SETDB1: variants seen among roughly 807,000 people sequenced by gnomAD.
SETDB1 encodes histone-lysine N-methyltransferase SETDB1.
Under a neutral mutation model 137.4 loss-of-function variants are expected in SETDB1, and 31 were observed. That is an observed-to-expected ratio of 0.23 (90% confidence interval 0.17 to 0.30). The LOEUF (loss-of-function observed/expected upper bound fraction) is 0.30, where lower values mean the gene tolerates loss of function less well. Ranked by LOEUF, SETDB1 falls within the 10% of genes least tolerant of loss-of-function variation. The pLI is 1.00. For missense variants in SETDB1, 1,113 were observed against 1,631.5 expected, an observed-to-expected ratio of 0.68 and a Z score of 5.47; for synonymous variants, 548 against 579.9, an observed-to-expected ratio of 0.95 and a Z score of 0.79.
At chr1:150,927,641 A>G in intron 1 of SETDB1, 63 bp from the exon 2 acceptor site, 1 of 1,463,386 alleles carries the variant, frequency 6.8e-7, no homozygotes, top group Non-Finnish European at 9.4e-7. Context: ...GGGAACTGAA[A>G]TTCTCTATTG....
At chr1:150,947,297 G>A (rs587614423) in intron 10 of SETDB1, among the ~76,000 whole-genome samples, 76 of 152,138 alleles carry the variant, frequency 5.0e-4, no homozygotes, top group African/African-American at 1.7e-3. Flanking sequence ...TGTCAGTTTT[G>A]TGTGTTATCT....
chr1:150,958,247 CTTTTTTCTTTTTTT>C, intron 14 of SETDB1, among the ~76,000 whole-genome samples: 1 of 96,022 alleles, frequency 1.0e-5, no homozygotes, highest in African/African-American at 3.6e-5. Context: ...TCTTTTTTTT[CTTTTTTCTTTTTTT>C]TTTTTTTTGT....
At chr1:150,957,467 A>G (rs1670677858) in intron 14 of SETDB1, among the ~76,000 whole-genome samples, 1 of 152,238 alleles carries the variant, frequency 6.6e-6, no homozygotes, top group African/African-American at 2.4e-5. Flanking sequence ...ATCTGGAGAG[A>G]GGATATGACT....
At position 150,962,997 on chromosome 1, in the gene SETDB1, C is replaced by T; in HGVS notation, c.3318C>T (p.Ser1106=). Residue 1106 remains serine, a synonymous_variant, in exon 19 of 22, where the codon AGC becomes AGT. Coordinates refer to ENST00000692827, the MANE Select transcript of SETDB1 (RefSeq NM_001366418.1). ...AGGATGTCCTGACACTGTCCAGCAG[C>T]ACAGAAAGTGAGGGGGAAAGTGGGA... ...NPDDVLTLSS[S]TESEGESGTS... 1.2e-6 allele frequency: 2 copies of T among 1,614,038 alleles called. No homozygotes were observed. Among genetic ancestry groups the T allele is most frequent in the South Asian group, 2.2e-5 (2 of 91,068 alleles).
intron 9 of SETDB1, among the ~76,000 whole-genome samples, chr1:150,945,623 G>T (rs77893380): frequency 0.013 from 2,006 of 152,216 alleles, 23 homozygotes; most frequent in Non-Finnish European, 0.018. Context: ...TAGGCAGTGT[G>T]CCCAGAGTAG....
intron 10 of SETDB1, 92 bp downstream of exon 10, chr1:150,947,104 A>G (rs1670354949): frequency 6.9e-7 from 1 of 1,445,522 alleles, no homozygotes; most frequent in Admixed American, 1.9e-5. Context: ...TAGCATGGTT[A>G]CACTGTATAC....
At chr1:150,956,082 A>T (rs1481217185) in intron 14 of SETDB1, among the ~76,000 whole-genome samples, 1 of 101,990 alleles carries the variant, frequency 9.8e-6, no homozygotes, top group Non-Finnish European at 1.9e-5. Context: ...ACAGAAGGAG[A>T]CTTCGTCTCA....
chr1:150,946,999 A>G lies in SETDB1; in HGVS notation c.1254A>G (p.Thr418=), dbSNP rs781006243. Residue 418 remains threonine (T), a synonymous_variant, in exon 10 of 22, where the codon ACA becomes ACG. Coordinates refer to ENST00000692827, the MANE Select transcript of SETDB1 (RefSeq NM_001366418.1). ...AGAAGAAGCAAGGACAGCTCAGGAC[A>G]CGTCCAAATATGGGTATGTCCTGAA... ...ALEKKQGQLR[T]RPNMGAVRSK... 6.2e-7 allele frequency: 1 copy of G among 1,613,972 alleles called. No homozygotes were observed. The highest frequency in any genetic ancestry group is 1.1e-5 in the South Asian group (1 of 91,092).
At chr1:150,950,212 C>G (rs1670455439) in intron 12 of SETDB1, among the ~76,000 whole-genome samples, 1 of 98,202 alleles carries the variant, frequency 1.0e-5, no homozygotes, top group Non-Finnish European at 2.0e-5. Context: ...CCAGCCTAGG[C>G]AAAAAGAGCG....
intron 13 of SETDB1, 127 bp from the exon 14 acceptor site, chr1:150,951,238 A>G: frequency 8.8e-7 from 1 of 1,132,048 alleles, no homozygotes; most frequent in Non-Finnish European, 1.3e-6. Context: ...GGCCTCCATG[A>G]AAGCTATGAG....
At chr1:150,960,517 T>C (rs1351963932) in intron 15 of SETDB1, 46 bp from the exon 16 acceptor site, 1 of 1,080,456 alleles carries the variant, frequency 9.3e-7, no homozygotes, top group Non-Finnish European at 1.3e-6. Flanking sequence ...AAAAAACTAA[T>C]AGGTCCCCAT....
In SETDB1 at chr1:150,964,422, C is replaced by G. The variant is rs901288271; in HGVS notation, c.*58C>G. 1 of 1,298,414 alleles carries G rather than the reference C, an allele frequency of 7.7e-7. No homozygotes were observed. Among genetic ancestry groups the G allele is most frequent in the East Asian group, 2.4e-5 (1 of 41,998 alleles). 80.4% of individuals were successfully genotyped at this position (1,298,414 alleles called of 1,614,324 possible). A position where few individuals can be genotyped will look rare whatever the true frequency, so the allele number is the denominator to read the frequency against. On this transcript the variant is annotated 3_prime_UTR_variant, in exon 22 of 22. Transcript: ENST00000692827. ...GTCGTTTCCTCAGGAACTGGGTCTT[C>G]CTGATTGTTGAACCCTGACCCGAAG...
intron 14 of SETDB1, among the ~76,000 whole-genome samples, chr1:150,953,285 G>A (rs587609830): frequency 3.3e-5 from 5 of 152,322 alleles, no homozygotes; most frequent in African/African-American, 7.2e-5. Context: ...AGCACTTTTC[G>A]AGGCTGAGGC....
rs1055299860 is a variant in SETDB1, at chr1:150,944,856, G to C, written c.950-62G>C. 8 of 1,580,582 alleles carry C rather than the reference G, an allele frequency of 5.1e-6. No individual in the cohort carries two copies. The African/African-American group carries it at 9.5e-5, about 19-fold the overall frequency. ...AAAGTATCAAATGTCTCCTGGCCAA[G>C]TCTTTTCCCTATCAAGACATGCCCT... is the stretch of plus-strand genomic sequence containing the variant. On this transcript the variant is annotated intron_variant, in intron 8 of 21. Transcript: ENST00000692827.
At chr1:150,962,101 C>T (rs755793312) in intron 16 of SETDB1, 29 bp from the exon 17 acceptor site, 2 of 1,613,654 alleles carry the variant, frequency 1.2e-6, no homozygotes, top group Non-Finnish European at 1.7e-6. Flanking sequence ...GCTGTGAAAG[C>T]ATTTAACCCT....
chr1:150,927,827 A>G lies in SETDB1; in HGVS notation c.113A>G (p.Glu38Gly). ...GTTGAGGAACTGGGTATCTCTATGG[A>G]GGAACTTCGGCATTTCATCGATGAG... ...AVVEELGISM[E>G]ELRHFIDEEL... Residue 38 changes from glutamate to glycine, a missense_variant, in exon 2 of 22, where the codon GAG becomes GGG. Physicochemically the swap from Glu to Gly is moderately conservative, Grantham distance 98. This residue lies in a region of SETDB1 where 159 missense variants were observed against 188.6 expected (regional missense o/e 0.84). Coordinates refer to ENST00000692827, the MANE Select transcript of SETDB1 (RefSeq NM_001366418.1). The G allele has an allele frequency of 6.2e-7, 1 of 1,614,164 alleles. No individual in the cohort carries two copies. The highest frequency in any genetic ancestry group is 8.5e-7 in the Non-Finnish European group (1 of 1,180,042).
Position 150,945,080 on chromosome 1 carries a change from A to G in SETDB1, c.1112A>G (p.Asp371Gly). The change falls in exon 9 of 22, where the codon GAT becomes GGT. Residue 371 changes from aspartate (D) to glycine (G), a missense_variant. Physicochemically the swap from Asp to Gly is moderately conservative, Grantham distance 94. Transcript: ENST00000692827. ...TWWKSRVEEV[D>G]GSLVRILFLD... ...TGGAAGTCCCGAGTTGAGGAGGTGGATGGCAGCCTAGTCAGGATCCTCTTC... is the reference window on the plus strand; with the variant it reads ...TGGAAGTCCCGAGTTGAGGAGGTGGGTGGCAGCCTAGTCAGGATCCTCTTC... The G allele has an allele frequency of 6.2e-7, 1 of 1,614,084 alleles. No homozygotes were observed. The highest frequency in any genetic ancestry group is 8.5e-7 in the Non-Finnish European group (1 of 1,180,004).
intron 3 of SETDB1, among the ~76,000 whole-genome samples, chr1:150,930,999 C>G (rs1457645068): frequency 6.6e-6 from 1 of 152,054 alleles, no homozygotes; most frequent in African/African-American, 2.4e-5. Flanking sequence ...GTGGCTCATA[C>G]CTGTAATCCC....
chr1:150,963,760 C>A lies in SETDB1; in HGVS notation c.3672+19C>A. 1.2e-6 allele frequency: 2 copies of A among 1,608,580 alleles called. No homozygotes were observed. Among genetic ancestry groups the A allele is most frequent in the Non-Finnish European group, 1.7e-6 (2 of 1,175,016 alleles). ...CCTCAACGTGAGACCCCTCTCCCCA[C>A]CTCTAGATGCTGGATTATCCCATGG... On this transcript the variant is annotated intron_variant, in intron 20 of 21. Coordinates refer to ENST00000692827, the MANE Select transcript of SETDB1 (RefSeq NM_001366418.1).
Sources: allele counts gnomAD v4.1 joint callset (sites outside exome capture counted in the v4.1 genomes callset), GRCh38; gene constraint gnomAD v4.1.1; regional missense constraint gnomAD v4.1.1; transcripts MANE v1.5; gene names NCBI Gene and HGNC (gene_info 2026-07-23, HGNC 2026-07-21).